The following PTPRK variants were observed in gnomAD, a reference collection of about 807,000 sequenced individuals.
PTPRK encodes protein tyrosine phosphatase receptor type K, also known as receptor-type tyrosine-protein phosphatase kappa.
A neutral mutation model predicts 178.0 loss-of-function variants in PTPRK; 75 were observed. The ratio of observed to expected loss-of-function variants is 0.42; its 90% CI spans 0.35 to 0.51. PTPRK has a LOEUF of 0.51. Among genes scored for constraint, PTPRK ranks in the 20% least tolerant of loss-of-function variants. The pLI is 0.02. For missense variants in PTPRK, 1,441 were observed against 1,797.8 expected, an observed-to-expected ratio of 0.80 and a Z score of 3.59; for synonymous variants, 637 against 620.6, an observed-to-expected ratio of 1.03 and a Z score of -0.39.
At chr6:127,992,623 G>A in intron 19 of PTPRK, 50 bp downstream of exon 19, 2 of 1,483,058 alleles carry the variant, frequency 1.3e-6, no homozygotes, top group Non-Finnish European at 9.2e-7. Flanking sequence ...CCACATAGAT[G>A]AATAAGCAAG....
At chr6:128,413,330 T>C (rs1172016915) in intron 1 of PTPRK, among the ~76,000 whole-genome samples, 1 of 152,076 alleles carries the variant, frequency 6.6e-6, no homozygotes, top group Non-Finnish European at 1.5e-5. Flanking sequence ...AATTCCATCC[T>C]ACTTTTCAAG....
chr6:128,239,125 G>GTTTTTTT (rs71833785), intron 5 of PTPRK, among the ~76,000 whole-genome samples: 1 of 98,780 alleles, frequency 1.0e-5, no homozygotes, highest in African/African-American at 3.2e-5. Context: ...AACTCATCTT[G>GTTTTTTT]TTTTTTTTTT....
At chr6:128,216,105 T>C (rs1017006157) in intron 6 of PTPRK, among the ~76,000 whole-genome samples, 1 of 151,950 alleles carries the variant, frequency 6.6e-6, no homozygotes, top group Admixed American at 6.6e-5. Context: ...GAAAGAAAAA[T>C]AAAATTGTCA....
At chr6:127,985,212 G>A (rs1775808679) in intron 22 of PTPRK, among the ~76,000 whole-genome samples, 1 of 152,122 alleles carries the variant, frequency 6.6e-6, no homozygotes, top group Admixed American at 6.5e-5. Context: ...GCATATATTT[G>A]CTGAATCTCA....
intron 1 of PTPRK, among the ~76,000 whole-genome samples, chr6:128,462,211 A>G (rs933117535): frequency 6.6e-6 from 1 of 152,114 alleles, no homozygotes; most frequent in Non-Finnish European, 1.5e-5. Context: ...GTCTTAAGAG[A>G]GTTAGTAGAA....
At chr6:128,105,368 T>C (rs945632900) in intron 7 of PTPRK, among the ~76,000 whole-genome samples, 3 of 152,030 alleles carry the variant, frequency 2.0e-5, no homozygotes, top group Non-Finnish European at 2.9e-5. Context: ...CTCCTGACCT[T>C]GTGATCCGCC....
chr6:128,030,463 G>C lies in PTPRK; in HGVS notation c.2195-21195C>G, dbSNP rs141082845. ...AATCAGCAGTTGCTCATATTTATCT[G>C]TACATCCTGACATTATCTGTAGACG... On this transcript the variant is annotated intron_variant, in intron 13 of 29. Transcript: ENST00000368226. Among the ~76,000 whole-genome samples, 1,407 of 152,294 alleles carry C rather than the reference G, an allele frequency of 9.2e-3. 8 individuals are homozygous for C. Among genetic ancestry groups the C allele is most frequent in the Middle Eastern group, 0.017 (5 of 294 alleles).
At chr6:128,247,118 A>G (rs936136489) in intron 3 of PTPRK, among the ~76,000 whole-genome samples, 1 of 152,190 alleles carries the variant, frequency 6.6e-6, no homozygotes, top group Admixed American at 6.5e-5. Context: ...TCATCTTGAC[A>G]ATACTGCCTT....
rs556981023 is a variant in PTPRK, at chr6:128,248,736, G to C, written c.496-6134C>G. Reference sequence around the variant, plus strand: ...CACAGTGAAAGCACAGAGACACCAAGGTTAAGAATGCTTTATAGGAAGTTT... The same window carrying C: ...CACAGTGAAAGCACAGAGACACCAACGTTAAGAATGCTTTATAGGAAGTTT... On this transcript the variant is annotated intron_variant, in intron 3 of 29. Transcript: ENST00000368226. Among the ~76,000 whole-genome samples the C allele has an allele frequency of 4.6e-5, 7 of 152,188 alleles. No individual in the cohort carries two copies. In the East Asian group the frequency reaches 1.4e-3, roughly 29 times the overall value.
intron 7 of PTPRK, among the ~76,000 whole-genome samples, chr6:128,180,020 C>G (rs1801662338): frequency 6.6e-6 from 1 of 151,900 alleles, no homozygotes; most frequent in African/African-American, 2.4e-5. Context: ...AGTAGTTTTC[C>G]CAACTGCATA....
intron 3 of PTPRK, among the ~76,000 whole-genome samples, chr6:128,243,602 G>A (rs928223839): frequency 6.6e-6 from 1 of 151,914 alleles, no homozygotes; most frequent in Non-Finnish European, 1.5e-5. Context: ...ACTAAGGTGG[G>A]AGAATTGCTT....
chr6:128,191,275 G>A (rs1157333987), intron 6 of PTPRK, among the ~76,000 whole-genome samples: 1 of 152,088 alleles, frequency 6.6e-6, no homozygotes, highest in East Asian at 1.9e-4. Flanking sequence ...GCTCCCTACT[G>A]GGGGCAATTA....
At chr6:128,433,513 G>T (rs1308541422) in intron 1 of PTPRK, among the ~76,000 whole-genome samples, 7 of 151,246 alleles carry the variant, frequency 4.6e-5, no homozygotes, top group African/African-American at 1.7e-4. Flanking sequence ...TTGTTTGTTT[G>T]TTTGTTTGTT....
In PTPRK at chr6:128,482,668, G is replaced by T. The variant is rs114161023; in HGVS notation, c.100+37591C>A. ...CACCCATGTACCACTTCAGTTCGTC[G>T]GTCAGTGAACAGTTTCTGCTACTGA... On this transcript the variant is annotated intron_variant, in intron 1 of 29. Coordinates refer to ENST00000368226, the MANE Select transcript of PTPRK (RefSeq NM_002844.4). 7.2e-3 allele frequency among the ~76,000 whole-genome samples: 1,095 copies of T among 152,186 alleles called. 11 individuals are homozygous for T. The highest frequency in any genetic ancestry group is 0.025 in the African/African-American group (1,022 of 41,528).
intron 1 of PTPRK, among the ~76,000 whole-genome samples, chr6:128,509,450 C>A (rs542643859): frequency 6.6e-6 from 1 of 152,086 alleles, no homozygotes; most frequent in Non-Finnish European, 1.5e-5. Flanking sequence ...CTTAAACATG[C>A]AAATATATGA....
intron 1 of PTPRK, among the ~76,000 whole-genome samples, chr6:128,465,930 T>C (rs1253434410): frequency 1.3e-5 from 2 of 152,144 alleles, no homozygotes; most frequent in Non-Finnish European, 2.9e-5. Context: ...CGGCCCATTG[T>C]CTCATGGGGC....
chr6:128,295,157 G>C (rs1039013247), intron 3 of PTPRK, among the ~76,000 whole-genome samples: 1 of 152,070 alleles, frequency 6.6e-6, no homozygotes, highest in Non-Finnish European at 1.5e-5. Context: ...GTCAACATAT[G>C]AATACTTTCA....
At chr6:128,178,213 T>G (rs1407787297) in intron 7 of PTPRK, among the ~76,000 whole-genome samples, 5 of 151,904 alleles carry the variant, frequency 3.3e-5, no homozygotes, top group Non-Finnish European at 4.4e-5. Flanking sequence ...TGTTATATTT[T>G]TATTGTATCA....
intron 1 of PTPRK, among the ~76,000 whole-genome samples, chr6:128,429,546 G>C (rs553841843): frequency 8.5e-5 from 13 of 152,092 alleles, no homozygotes; most frequent in Admixed American, 2.6e-4. Context: ...TAAAACAAAG[G>C]TAATAGTTCC....
Sources: gnomAD v4.1 joint callset for allele counts (sites outside exome capture counted in the v4.1 genomes callset) on GRCh38, gnomAD v4.1.1 for gene constraint, MANE v1.5 for transcripts, NCBI Gene and HGNC (gene_info 2026-07-23, HGNC 2026-07-21) for gene names.